The following RBFOX1 variants were observed in gnomAD, a reference collection of about 807,000 sequenced individuals.
The protein encoded by RBFOX1 is RNA binding protein fox-1 homolog 1.
A neutral mutation model predicts 57.7 loss-of-function variants in RBFOX1; 8 were observed. The ratio of observed to expected loss-of-function variants is 0.14; its 90% CI spans 0.08 to 0.25. The LOEUF is 0.25. RBFOX1 is among the 10% of genes least tolerant of loss of function. RBFOX1 has a pLI of 1.00. For synonymous variants in RBFOX1, 326 were observed against 222.4 expected (o/e 1.47, Z -4.15); for missense variants, 611 against 548.5 (o/e 1.11, Z -1.14).
At chr16:5,308,929 T>C (rs904087629) in intron 1 of RBFOX1, among the ~76,000 whole-genome samples, 1 of 152,160 alleles carries the variant, frequency 6.6e-6, no homozygotes, top group African/African-American at 2.4e-5. Flanking sequence ...CTCTCCCACC[T>C]CCCCTGGGCT....
intron 3 of RBFOX1, among the ~76,000 whole-genome samples, chr16:5,657,627 T>G (rs1331842800): frequency 1.7e-5 from 1 of 59,112 alleles, no homozygotes; most frequent in Non-Finnish European, 3.2e-5. Context: ...TTTCTCTCTT[T>G]CTTTCTTTCT....
At chr16:6,942,826 C>G (rs1048815343) in intron 3 of RBFOX1, among the ~76,000 whole-genome samples, 4 of 152,000 alleles carry the variant, frequency 2.6e-5, no homozygotes, top group African/African-American at 9.7e-5. Flanking sequence ...GATGGCTGAC[C>G]CTGAACAGGT....
At position 6,946,191 on chromosome 16, in the gene RBFOX1, T is replaced by C. The variant is rs528483622; in HGVS notation, c.-15-105866T>C. Among the ~76,000 whole-genome samples, 11 of 152,358 alleles carry C rather than the reference T, an allele frequency of 7.2e-5. No individual in the cohort carries two copies. The South Asian group carries it at 2.3e-3, about 32-fold the overall frequency. On this transcript the variant is annotated intron_variant, in intron 3 of 15. Transcript: ENST00000550418. ...CAAGTGTTTACAGTAAAGGACCAGATACAGAGAATATTTTAGGATTTGGGT... is the reference window on the plus strand; with the variant it reads ...CAAGTGTTTACAGTAAAGGACCAGACACAGAGAATATTTTAGGATTTGGGT...
intron 2 of RBFOX1, among the ~76,000 whole-genome samples, chr16:6,373,755 G>T (rs184227632): frequency 6.6e-6 from 1 of 152,124 alleles, no homozygotes; most frequent in African/African-American, 2.4e-5. Flanking sequence ...GAATTGTGAC[G>T]ATAAAGGATC....
intron 1 of RBFOX1, among the ~76,000 whole-genome samples, chr16:5,296,700 A>G (rs1474998124): frequency 1.4e-5 from 2 of 143,460 alleles, no homozygotes; most frequent in African/African-American, 5.2e-5. Context: ...TTTTTTTGAG[A>G]TGGAGTGTCG....
At chr16:5,953,527 G>C (rs971831112) in intron 4 of RBFOX1, among the ~76,000 whole-genome samples, 3 of 151,924 alleles carry the variant, frequency 2.0e-5, no homozygotes, top group African/African-American at 7.3e-5. Context: ...AAAGTCCACT[G>C]GGTCATTCTT....
Position 7,357,053 on chromosome 16 carries a change from G to A in RBFOX1, c.28-161094G>A, listed in dbSNP as rs543645565. ...GGCTCAGGAATCCAGGGATCTATCT[G>A]CCTTGGAACATTCTGCATCAAGGTA... On this transcript the variant is annotated intron_variant, in intron 4 of 15. Transcript: ENST00000550418. Among the ~76,000 whole-genome samples the A allele has an allele frequency of 4.6e-5, 7 of 152,240 alleles. 2 individuals carry two copies. Among genetic ancestry groups the A allele is most frequent in the African/African-American group, 1.7e-4 (7 of 41,544 alleles).
chr16:6,796,069 A>C (rs1464899340), intron 3 of RBFOX1, among the ~76,000 whole-genome samples: 1 of 152,154 alleles, frequency 6.6e-6, no homozygotes, highest in Non-Finnish European at 1.5e-5. Context: ...TACAAAAGAA[A>C]GAGGTTTATT....
chr16:6,959,896 A>G (rs1035743552), intron 3 of RBFOX1, among the ~76,000 whole-genome samples: 2 of 152,156 alleles, frequency 1.3e-5, no homozygotes, highest in Non-Finnish European at 2.9e-5. Context: ...AGATTGTGCC[A>G]TTGCACTCTA....
At chr16:6,582,076 C>A (rs768477824) in intron 2 of RBFOX1, among the ~76,000 whole-genome samples, 9 of 152,100 alleles carry the variant, frequency 5.9e-5, no homozygotes, top group Non-Finnish European at 1.2e-4. Flanking sequence ...GCTCCCCACC[C>A]AACAAAGAAT....
At chr16:6,409,082 C>G (rs2093375557) in intron 2 of RBFOX1, among the ~76,000 whole-genome samples, 1 of 152,066 alleles carries the variant, frequency 6.6e-6, no homozygotes, top group Non-Finnish European at 1.5e-5. Flanking sequence ...TTCACAGTCT[C>G]TCCCTACATA....
chr16:7,520,544 G>A (rs897244804), intron 5 of RBFOX1, among the ~76,000 whole-genome samples: 6 of 152,336 alleles, frequency 3.9e-5, no homozygotes, highest in Admixed American at 2.6e-4. Context: ...GTACCCCACT[G>A]TATGGATAGA....
At chr16:6,369,704 C>T (rs990903279) in intron 2 of RBFOX1, among the ~76,000 whole-genome samples, 1 of 152,188 alleles carries the variant, frequency 6.6e-6, no homozygotes, top group Admixed American at 6.5e-5. Context: ...ATTTTCTACA[C>T]CTTCTATGTA....
intron 3 of RBFOX1, among the ~76,000 whole-genome samples, chr16:5,751,578 G>T (rs561227988): frequency 1.4e-4 from 22 of 152,266 alleles, no homozygotes; most frequent in Admixed American, 4.6e-4. Context: ...ATCAGAGAGG[G>T]CAAGGAAGCC....
chr16:6,168,271 G>A (rs756900753), intron 1 of RBFOX1, among the ~76,000 whole-genome samples: 5 of 152,154 alleles, frequency 3.3e-5, no homozygotes, highest in Non-Finnish European at 5.9e-5. Flanking sequence ...TGCATGGTGC[G>A]GAGGGTTTCA....
chr16:6,424,732 T>G (rs564895013), intron 2 of RBFOX1, among the ~76,000 whole-genome samples: 1 of 152,242 alleles, frequency 6.6e-6, no homozygotes, highest in African/African-American at 2.4e-5. Context: ...AATGTTCAAC[T>G]ATAGGGATGT....
chr16:6,034,422 G>A (rs1311884173), intron 1 of RBFOX1, among the ~76,000 whole-genome samples: 12 of 150,822 alleles, frequency 8.0e-5, no homozygotes, highest in Non-Finnish European at 1.6e-4. Context: ...AGGCTGGGAA[G>A]TCCATGATCA....
chr16:5,907,283 T>C (rs11076986), intron 4 of RBFOX1, among the ~76,000 whole-genome samples: 77,191 of 151,788 alleles, frequency 0.51, 20,447 homozygotes, highest in African/African-American at 0.66. Flanking sequence ...TCCTGCCTCA[T>C]CCTCTGTGCA....
chr16:5,328,487 A>G (rs1256929748), intron 1 of RBFOX1, among the ~76,000 whole-genome samples: 1 of 152,250 alleles, frequency 6.6e-6, no homozygotes, highest in Non-Finnish European at 1.5e-5. Flanking sequence ...TGCCCTAGCA[A>G]ACTGATGGAA....
Sources: allele counts gnomAD v4.1 joint callset (sites outside exome capture counted in the v4.1 genomes callset), GRCh38; gene constraint gnomAD v4.1.1; transcripts MANE v1.5; gene names NCBI Gene and HGNC (gene_info 2026-07-23, HGNC 2026-07-21).